The following ERGIC2 variants were observed in gnomAD, a reference collection of about 807,000 sequenced individuals.
ERGIC2 encodes endoplasmic reticulum-Golgi intermediate compartment protein 2.
Under a neutral mutation model 52.5 loss-of-function variants are expected in ERGIC2, and 31 were observed. That is an observed-to-expected ratio of 0.59 (90% confidence interval 0.44 to 0.80). ERGIC2 has a LOEUF of 0.80. Among genes scored for constraint, ERGIC2 ranks in the 30% least tolerant of loss-of-function variants. ERGIC2 has a pLI of 0.00. For missense variants in ERGIC2, 395 were observed against 455.2 expected (o/e 0.87, Z 1.20); for synonymous variants, 129 against 140.6 (o/e 0.92, Z 0.58).
chr12:29,351,966 T>A (rs1402501319), intron 8 of ERGIC2, among the ~76,000 whole-genome samples: 1 of 152,214 alleles, frequency 6.6e-6, no homozygotes, highest in African/African-American at 2.4e-5. Context: ...CATTGCTTAA[T>A]ACGCAGGATG....
chr12:29,346,649 T>C (rs1940056449), intron 10 of ERGIC2, among the ~76,000 whole-genome samples: 1 of 152,122 alleles, frequency 6.6e-6, no homozygotes, highest in Non-Finnish European at 1.5e-5. Context: ...GATATTACAG[T>C]AGGAAGAAAA....
At chr12:29,373,473 A>C (rs954768413) in intron 1 of ERGIC2, among the ~76,000 whole-genome samples, 1 of 152,176 alleles carries the variant, frequency 6.6e-6, no homozygotes, top group Non-Finnish European at 1.5e-5. Flanking sequence ...CTGAAATCTA[A>C]TGGGGAGGAT....
chr12:29,352,142 A>C (rs1002910205), intron 8 of ERGIC2, among the ~76,000 whole-genome samples: 13 of 152,192 alleles, frequency 8.5e-5, no homozygotes, highest in Non-Finnish European at 1.6e-4. Context: ...TTATAACTGC[A>C]TCACTACAAT....
At chr12:29,379,915 GGTT>G (rs1313892874) in intron 1 of ERGIC2, among the ~76,000 whole-genome samples, 18 of 152,204 alleles carry the variant, frequency 1.2e-4, no homozygotes, top group Admixed American at 8.5e-4. Flanking sequence ...ATGTGTGGGT[GGTT>G]GTTGTTGTTT....
chr12:29,352,524 G>A (rs1430659806), intron 8 of ERGIC2, among the ~76,000 whole-genome samples: 3 of 151,978 alleles, frequency 2.0e-5, no homozygotes, highest in African/African-American at 7.2e-5. Context: ...TTAGCCGGGC[G>A]TGGTGGTGGG....
intron 8 of ERGIC2, among the ~76,000 whole-genome samples, chr12:29,355,243 A>G (rs1366519871): frequency 2.6e-5 from 4 of 152,202 alleles, no homozygotes; most frequent in Non-Finnish European, 5.9e-5. Context: ...TACAGGCTCA[A>G]TACAACTATA....
intron 1 of ERGIC2, among the ~76,000 whole-genome samples, chr12:29,373,712 C>T (rs1462427564): frequency 3.3e-5 from 5 of 152,148 alleles, no homozygotes; most frequent in Non-Finnish European, 7.3e-5. Context: ...CTTGCTGGTT[C>T]CACACTCACA....
chr12:29,355,888 GT>G (rs1385349687), intron 8 of ERGIC2, among the ~76,000 whole-genome samples: 1 of 152,130 alleles, frequency 6.6e-6, no homozygotes, highest in Non-Finnish European at 1.5e-5. Flanking sequence ...TTTTGAAGTA[GT>G]TTTTAAAGTT....
chr12:29,353,375 AAAC>A (rs1468335081), intron 8 of ERGIC2, among the ~76,000 whole-genome samples: 5 of 152,204 alleles, frequency 3.3e-5, no homozygotes, highest in African/African-American at 1.2e-4. Context: ...ATTTTCAAAC[AAAC>A]AACAAAGTTT....
At position 29,343,243 on chromosome 12, in the gene ERGIC2, A is replaced by C. The variant is rs369189858; in HGVS notation, c.865T>G (p.Ser289Ala). 2 of 1,610,628 alleles carry C rather than the reference A, an allele frequency of 1.2e-6. No homozygotes were observed. The highest frequency in any genetic ancestry group is 1.7e-6 in the Non-Finnish European group (2 of 1,177,732). The change falls in exon 12 of 14, where the codon TCT (serine) becomes GCT (alanine). Residue 289 changes from serine (S) to alanine (A), a missense_variant. Coordinates refer to ENST00000360150, the MANE Select transcript of ERGIC2 (RefSeq NM_016570.3). ...INHAAGSHGV[S>A]GIFMKYDLSS... ...AGATCATATTTCATAAATATCCCAG[A>C]GACTCCATGGCTGCCTGCAGCATGG...
chr12:29,375,477 C>T (rs1940502537), intron 1 of ERGIC2, among the ~76,000 whole-genome samples: 1 of 152,132 alleles, frequency 6.6e-6, no homozygotes, highest in Admixed American at 6.5e-5. Context: ...ATAAGATCCA[C>T]AAGAAGGATT....
chr12:29,380,171 C>A (rs182092683), intron 1 of ERGIC2, among the ~76,000 whole-genome samples: 2 of 151,936 alleles, frequency 1.3e-5, no homozygotes, highest in Admixed American at 6.6e-5. Context: ...GGCATAATTA[C>A]AACAACTTAA....
intron 5 of ERGIC2, among the ~76,000 whole-genome samples, chr12:29,365,790 G>GT (rs1940353613): frequency 6.6e-6 from 1 of 151,808 alleles, no homozygotes; most frequent in South Asian, 2.1e-4. Context: ...AGATAATAGT[G>GT]TAATATGCTG....
intron 12 of ERGIC2, 77 bp from the exon 13 acceptor site, chr12:29,341,893 G>C: frequency 1.5e-6 from 1 of 675,120 alleles, no homozygotes. Flanking sequence ...TAATGGAATA[G>C]ATTACGGAAG....
chr12:29,360,695 C>T (rs1212150147), intron 6 of ERGIC2, among the ~76,000 whole-genome samples: 2 of 149,382 alleles, frequency 1.3e-5, no homozygotes, highest in African/African-American at 4.9e-5. Flanking sequence ...ATATTATATA[C>T]ATACACAGAA....
At chr12:29,373,645 T>C (rs1940474204) in intron 1 of ERGIC2, among the ~76,000 whole-genome samples, 1 of 152,166 alleles carries the variant, frequency 6.6e-6, no homozygotes, top group South Asian at 2.1e-4. Context: ...TACAGTAGAG[T>C]TGAAAGCATT....
chr12:29,345,887 C>A (rs947146088), intron 10 of ERGIC2, among the ~76,000 whole-genome samples: 1 of 152,040 alleles, frequency 6.6e-6, no homozygotes, highest in African/African-American at 2.4e-5. Context: ...GTCAAGGCTG[C>A]AGTGAGCCAT....
At chr12:29,364,208 G>A (rs1387151105) in intron 5 of ERGIC2, among the ~76,000 whole-genome samples, 2 of 152,070 alleles carry the variant, frequency 1.3e-5, no homozygotes, top group Non-Finnish European at 2.9e-5. Context: ...AGGCAGTCAT[G>A]CTAGAATCCA....
chr12:29,376,244 T>C (rs186708942), intron 1 of ERGIC2, among the ~76,000 whole-genome samples: 3 of 152,156 alleles, frequency 2.0e-5, no homozygotes, highest in Non-Finnish European at 4.4e-5. Context: ...CAAATAATTT[T>C]CCCAGGCTAC....
Sources: allele counts gnomAD v4.1 joint callset (sites outside exome capture counted in the v4.1 genomes callset), GRCh38; gene constraint gnomAD v4.1.1; transcripts MANE v1.5; gene names NCBI Gene and HGNC (gene_info 2026-07-23, HGNC 2026-07-21).